Variants in DLGAP1 observed in about 807,000 individuals in gnomAD.
DLGAP1 encodes disks large-associated protein 1.
Under a neutral mutation model 90.8 loss-of-function variants are expected in DLGAP1, and 11 were observed. That is an observed-to-expected ratio of 0.12 (90% CI 0.08 to 0.20). The LOEUF (loss-of-function observed/expected upper bound fraction) is 0.20. DLGAP1 is among the 10% of genes least tolerant of loss of function. The pLI is 1.00. For synonymous variants in DLGAP1, 558 were observed against 540.7 expected, an observed-to-expected ratio of 1.03 and a Z score of -0.44; for missense variants, 1,050 against 1,333.8, an observed-to-expected ratio of 0.79 and a Z score of 3.31.
rs114340346 is a variant in DLGAP1, at chr18:3,524,288, A to G, written c.2479+9906T>C. On this transcript the variant is annotated intron_variant, in intron 10 of 12. Coordinates refer to ENST00000315677, the MANE Select transcript of DLGAP1 (RefSeq NM_004746.4). ...AGACCTTGTTTCAATTAAAAAAAAA[A>G]GAAAGAAAGAAATTGTGGTATATAT... Among the ~76,000 whole-genome samples the G allele has an allele frequency of 4.8e-3, 737 of 152,144 alleles. 8 individuals are homozygous for G. Among genetic ancestry groups the G allele is most frequent in the African/African-American group, 0.017 (712 of 41,524 alleles).
intron 1 of DLGAP1, among the ~76,000 whole-genome samples, chr18:4,183,506 T>C (rs1158712309): frequency 6.6e-6 from 1 of 152,190 alleles, no homozygotes; most frequent in African/African-American, 2.4e-5. Flanking sequence ...AGCCACTTTA[T>C]TGACAAAATT....
chr18:3,564,252 CT>C (rs1291389199), intron 9 of DLGAP1, among the ~76,000 whole-genome samples: 1 of 152,152 alleles, frequency 6.6e-6, no homozygotes, highest in Non-Finnish European at 1.5e-5. Context: ...TAGTCTCAGC[CT>C]TTTGGTGAGC....
At chr18:4,257,047 G>A (rs765830666) in intron 1 of DLGAP1, among the ~76,000 whole-genome samples, 6 of 152,200 alleles carry the variant, frequency 3.9e-5, no homozygotes, top group Non-Finnish European at 7.3e-5. Context: ...ATGTTAGCAC[G>A]TGTACTCACA....
intron 7 of DLGAP1, among the ~76,000 whole-genome samples, chr18:3,701,776 T>C (rs911839659): frequency 1.3e-5 from 2 of 152,162 alleles, no homozygotes; most frequent in Non-Finnish European, 2.9e-5. Context: ...AAGAGGGACC[T>C]GTTTCTCTAG....
chr18:3,888,925 G>A (rs916305708), intron 3 of DLGAP1, among the ~76,000 whole-genome samples: 3 of 152,132 alleles, frequency 2.0e-5, no homozygotes, highest in African/African-American at 7.2e-5. Flanking sequence ...TCAGGAGAGG[G>A]TTGGTTATCT....
At chr18:3,508,301 G>T (rs1471101068) in intron 11 of DLGAP1, among the ~76,000 whole-genome samples, 4 of 152,154 alleles carry the variant, frequency 2.6e-5, no homozygotes, top group African/African-American at 9.7e-5. Context: ...TGAAAGCCAG[G>T]AAAATGGAAA....
chr18:3,527,529 A>AGCT lies in DLGAP1; in HGVS notation c.2479+6662_2479+6664dup, dbSNP rs1395052974. Reference sequence around the variant, plus strand: ...GAACATGGTTGTTCTGCTTATCTTTAGCTGCTGCTGCCTATTTCTGAGTTT... The same window carrying AGCT: ...GAACATGGTTGTTCTGCTTATCTTTAGCTGCTGCTGCTGCCTATTTCTGAGTTT... On this transcript the variant is annotated intron_variant, in intron 10 of 12. Coordinates refer to ENST00000315677, the MANE Select transcript of DLGAP1 (RefSeq NM_004746.4). Among the ~76,000 whole-genome samples the AGCT allele has an allele frequency of 7.7e-5, 11 of 142,400 alleles. No individual in the cohort carries two copies. In the East Asian group the frequency reaches 2.3e-3, roughly 30 times the overall value. The allele number at this position is 142,400 out of a possible 152,430, so 93.4% of individuals were successfully genotyped here.
intron 1 of DLGAP1, among the ~76,000 whole-genome samples, chr18:4,206,730 T>C (rs1484639364): frequency 2.0e-5 from 3 of 152,146 alleles, no homozygotes; most frequent in African/African-American, 4.8e-5. Context: ...ACAAAGAAAA[T>C]AGAGGTACCC....
chr18:4,148,477 G>A (rs949356267), intron 2 of DLGAP1, among the ~76,000 whole-genome samples: 10 of 152,218 alleles, frequency 6.6e-5, no homozygotes, highest in Non-Finnish European at 8.8e-5. Flanking sequence ...CCAGGGAGCA[G>A]TAAACTAATG....
At chr18:4,223,021 A>C (rs935974249) in intron 1 of DLGAP1, among the ~76,000 whole-genome samples, 4 of 152,158 alleles carry the variant, frequency 2.6e-5, no homozygotes, top group East Asian at 3.8e-4. Flanking sequence ...CTGGAGGCTG[A>C]GGTACGAGAA....
intron 7 of DLGAP1, among the ~76,000 whole-genome samples, chr18:3,591,553 C>A (rs1478009277): frequency 6.6e-6 from 1 of 151,438 alleles, no homozygotes; most frequent in Non-Finnish European, 1.5e-5. Flanking sequence ...TAGAATCCTG[C>A]CCCAGCCTTC....
chr18:4,400,525 C>T (rs753125915), intron 1 of DLGAP1, among the ~76,000 whole-genome samples: 3 of 151,972 alleles, frequency 2.0e-5, no homozygotes, highest in African/African-American at 4.8e-5. Flanking sequence ...TATATTTTCA[C>T]GGATATATGT....
intron 2 of DLGAP1, among the ~76,000 whole-genome samples, chr18:4,104,353 C>T (rs1456259374): frequency 1.3e-5 from 2 of 152,094 alleles, no homozygotes. Flanking sequence ...AAAATATTCT[C>T]ATGCTTTCTT....
At chr18:3,746,582 A>G (rs954349621) in intron 5 of DLGAP1, among the ~76,000 whole-genome samples, 1 of 152,216 alleles carries the variant, frequency 6.6e-6, no homozygotes, top group Non-Finnish European at 1.5e-5. Flanking sequence ...AAGGGTTCAC[A>G]TGCATAATAT....
intron 2 of DLGAP1, among the ~76,000 whole-genome samples, chr18:4,144,439 C>A (rs550171130): frequency 2.6e-5 from 4 of 152,304 alleles, no homozygotes; most frequent in South Asian, 2.1e-4. Context: ...TCTCCCTCCC[C>A]CCAGGCACAC....
At chr18:3,642,692 CT>C (rs1376804240) in intron 7 of DLGAP1, among the ~76,000 whole-genome samples, 11 of 152,294 alleles carry the variant, frequency 7.2e-5, no homozygotes, top group African/African-American at 2.6e-4. Flanking sequence ...TACGCCTTGC[CT>C]TTGCTTACTA....
chr18:4,434,201 C>T (rs762777775), intron 1 of DLGAP1, among the ~76,000 whole-genome samples: 1 of 151,852 alleles, frequency 6.6e-6, no homozygotes, highest in Non-Finnish European at 1.5e-5. Context: ...TGCTTTATAT[C>T]ATAGACTCTC....
intron 1 of DLGAP1, among the ~76,000 whole-genome samples, chr18:4,299,493 C>T (rs1391398650): frequency 6.6e-6 from 1 of 152,056 alleles, no homozygotes; most frequent in African/African-American, 2.4e-5. Flanking sequence ...CTTGGCTGAG[C>T]CAAAAATAAT....
At chr18:3,532,946 T>C (rs1239338608) in intron 10 of DLGAP1, among the ~76,000 whole-genome samples, 2 of 152,246 alleles carry the variant, frequency 1.3e-5, no homozygotes, top group Non-Finnish European at 2.9e-5. Flanking sequence ...CAATTTTTCT[T>C]TTTCAATTGT....
Sources: gnomAD v4.1 joint callset for allele counts (sites outside exome capture counted in the v4.1 genomes callset) on GRCh38, gnomAD v4.1.1 for gene constraint, MANE v1.5 for transcripts, NCBI Gene and HGNC (gene_info 2026-07-23, HGNC 2026-07-21) for gene names.